Variants in ALOX5 observed in about 807,000 individuals in gnomAD.
ALOX5 encodes the protein arachidonate 5-lipoxygenase, also known as polyunsaturated fatty acid 5-lipoxygenase.
Under a neutral mutation model 87.9 loss-of-function variants are expected in ALOX5, and 64 were observed. The observed-to-expected ratio is 0.73, with a 90% CI of 0.60 to 0.90. The LOEUF (loss-of-function observed/expected upper bound fraction) is 0.90, where lower values mean the gene tolerates loss of function less well. Among genes scored for constraint, ALOX5 ranks in the 40% least tolerant of loss-of-function variants. ALOX5 has a pLI of 0.00. For missense variants in ALOX5, 822 were observed against 907.5 expected, an observed-to-expected ratio of 0.91 and a Z score of 1.21; for synonymous variants, 388 against 355.1, an observed-to-expected ratio of 1.09 and a Z score of -1.04.
chr10:45,440,910 C>T (rs904137478), intron 8 of ALOX5, among the ~76,000 whole-genome samples: 6 of 152,228 alleles, frequency 3.9e-5, no homozygotes, highest in Admixed American at 3.9e-4. Flanking sequence ...TGGTGATCCT[C>T]GGCTGATGCT....
At position 45,428,612 on chromosome 10, in the gene ALOX5, C is replaced by T; in HGVS notation, c.835-6C>T. 2 of 1,614,074 alleles carry T rather than the reference C, an allele frequency of 1.2e-6. No homozygotes were observed. Among genetic ancestry groups the T allele is most frequent in the Non-Finnish European group, 1.7e-6 (2 of 1,179,986 alleles). On this transcript the variant is annotated splice_polypyrimidine_tract_variant and splice_region_variant and intron_variant, in intron 6 of 13. Coordinates refer to ENST00000374391, the MANE Select transcript of ALOX5 (RefSeq NM_000698.5). ...TGATTTGGACACATCTCTCTGCCTC[C>T]TGCAGCAAGGGAACATTTTCATCGT...
Position 45,441,510 on chromosome 10 carries a change from C to G in ALOX5, c.1272+80C>G, listed in dbSNP as rs41519248. On this transcript the variant is annotated intron_variant, in intron 9 of 13. Transcript: ENST00000374391. ...CACTCCCTATCTGAGATCTAGACAC[C>G]CTTTCAGGAGGCCTGGAAGGGTGAA... 4,764 of 1,417,658 alleles carry G rather than the reference C, an allele frequency of 3.4e-3. 109 individuals are homozygous for G. In the East Asian group the frequency reaches 0.042, roughly 13 times the overall value. The allele number at this position is 1,417,658 out of a possible 1,614,324, so 87.8% of individuals were successfully genotyped here.
chr10:45,414,066 G>T (rs1038969314), intron 4 of ALOX5, among the ~76,000 whole-genome samples: 17 of 152,108 alleles, frequency 1.1e-4, no homozygotes, highest in African/African-American at 3.6e-4. Flanking sequence ...ATGACTTTCT[G>T]CACAGAATTG....
At chr10:45,394,378 G>A (rs1202744656) in intron 2 of ALOX5, among the ~76,000 whole-genome samples, 1 of 152,230 alleles carries the variant, frequency 6.6e-6, no homozygotes, top group African/African-American at 2.4e-5. Context: ...TTAATAAATG[G>A]TGCTGGGAAA....
At chr10:45,375,103 C>T (rs2132659115) in intron 1 of ALOX5, among the ~76,000 whole-genome samples, 1 of 152,304 alleles carries the variant, frequency 6.6e-6, no homozygotes, top group Non-Finnish European at 1.5e-5. Flanking sequence ...AGCTTACATT[C>T]TCAGGACAGT....
rs1841656303 is a variant in ALOX5, at chr10:45,425,084, G to A, written c.786G>A (p.Met262Ile). The A allele has an allele frequency of 6.2e-7, 1 of 1,614,060 alleles. No individual in the cohort carries two copies. The highest frequency in any genetic ancestry group is 8.5e-7 in the Non-Finnish European group (1 of 1,180,036). ...LPEKLPVTTEMVECSLERQLS... is the reference protein window; with the variant it reads ...LPEKLPVTTEIVECSLERQLS... Reference sequence around the variant, plus strand: ...AGAAGCTCCCGGTGACCACGGAGATGGTAGAGTGCAGCCTGGAGCGGCAGC... The same window carrying A: ...AGAAGCTCCCGGTGACCACGGAGATAGTAGAGTGCAGCCTGGAGCGGCAGC... The change falls in exon 6 of 14, where the codon ATG becomes ATA. Residue 262 changes from methionine to isoleucine, a missense_variant. Met to Ile is a conservative substitution (Grantham distance 10). Coordinates refer to ENST00000374391, the MANE Select transcript of ALOX5 (RefSeq NM_000698.5). This position sits in a 1 kb window ranked among gnomAD's most constrained non-coding sequence, Gnocchi z 4.4.
At chr10:45,380,668 AC>A (rs1839794563) in intron 1 of ALOX5, among the ~76,000 whole-genome samples, 2 of 152,216 alleles carry the variant, frequency 1.3e-5, no homozygotes, top group South Asian at 4.1e-4. Context: ...GGGGCCAGGC[AC>A]AGTGGCTCAT....
At chr10:45,385,238 C>G (rs1254887887) in intron 2 of ALOX5, among the ~76,000 whole-genome samples, 1 of 152,200 alleles carries the variant, frequency 6.6e-6, no homozygotes, top group African/African-American at 2.4e-5. Context: ...GATTCAATTA[C>G]TCACCATATG....
At chr10:45,445,332 G>A (rs762509767) in intron 13 of ALOX5, among the ~76,000 whole-genome samples, 176 bp from the exon 14 acceptor site, 4 of 152,202 alleles carry the variant, frequency 2.6e-5, no homozygotes, top group Admixed American at 2.6e-4. Context: ...TGGAGGCGAC[G>A]ACACTTGCCT....
intron 4 of ALOX5, among the ~76,000 whole-genome samples, chr10:45,423,430 C>T (rs1841579358): frequency 6.6e-6 from 1 of 152,234 alleles, no homozygotes; most frequent in Non-Finnish European, 1.5e-5. Context: ...CTCTTTTCCA[C>T]CTTTCCTGGA....
At chr10:45,412,611 A>T (rs1227221968) in intron 4 of ALOX5, among the ~76,000 whole-genome samples, 1 of 152,168 alleles carries the variant, frequency 6.6e-6, no homozygotes, top group Non-Finnish European at 1.5e-5. Flanking sequence ...CATGCTCTCT[A>T]TGGCCACTTC....
rs71515351 is a variant in ALOX5 at position 45,409,509 on chromosome 10, GTC to G, written c.432-2658_432-2657del. Among the ~76,000 whole-genome samples the G allele has an allele frequency of 1.9e-3, 249 of 129,718 alleles. 2 individuals carry two copies. The highest frequency in any genetic ancestry group is 3.8e-3 in the Middle Eastern group (1 of 262). The allele number at this position is 129,718 out of a possible 152,430, so 85.1% of individuals were successfully genotyped here. A position where few individuals can be genotyped will look rare whatever the true frequency, so the allele number is the denominator to read the frequency against. On this transcript the variant is annotated intron_variant, in intron 3 of 13. Coordinates refer to ENST00000374391, the MANE Select transcript of ALOX5 (RefSeq NM_000698.5). The stretch of plus-strand genomic sequence containing the variant: ...CCCCTTAGGATCTCTCTGTCTGTCT[GTC>G]TCTCTCTCTCTCTCTCTCTCTCTGT...
intron 2 of ALOX5, among the ~76,000 whole-genome samples, chr10:45,394,425 C>T (rs888577786): frequency 1.3e-5 from 2 of 152,186 alleles, no homozygotes; most frequent in East Asian, 3.8e-4. Context: ...AAGCTGGATC[C>T]CTTCCTTACA....
chr10:45,431,961 A>G (rs910755237), intron 7 of ALOX5, among the ~76,000 whole-genome samples: 1 of 152,060 alleles, frequency 6.6e-6, no homozygotes, highest in Non-Finnish European at 1.5e-5. Flanking sequence ...AGTTCTACCA[A>G]ATTCTATTAT....
rs776007287 is a variant in ALOX5, at chr10:45,440,406, G to C, written c.982-24G>C. ...ACTCTGAAGTGAAATATAGCAGTGT[G>C]TTTCCTTTCCCCCAATGTATCAGCT... On this transcript the variant is annotated intron_variant, in intron 7 of 13. Coordinates refer to ENST00000374391, the MANE Select transcript of ALOX5 (RefSeq NM_000698.5). 4 of 1,609,836 alleles carry C rather than the reference G, an allele frequency of 2.5e-6. No individual in the cohort carries two copies. In the South Asian group the frequency reaches 4.4e-5, roughly 18 times the overall value.
At chr10:45,404,377 TACTC>T (rs986626686) in intron 3 of ALOX5, among the ~76,000 whole-genome samples, 1 of 152,190 alleles carries the variant, frequency 6.6e-6, no homozygotes, top group Non-Finnish European at 1.5e-5. Flanking sequence ...AGGCCCTCCT[TACTC>T]ACTCAGCCAC....
intron 3 of ALOX5, among the ~76,000 whole-genome samples, chr10:45,401,833 C>T (rs186060697): frequency 7.8e-4 from 119 of 152,242 alleles, no homozygotes; most frequent in African/African-American, 2.8e-3. Flanking sequence ...CCTCAAAAAT[C>T]TTTAACCATT....
intron 2 of ALOX5, among the ~76,000 whole-genome samples, chr10:45,391,100 G>T (rs1840225464): frequency 7.1e-5 from 3 of 42,454 alleles, no homozygotes; most frequent in African/African-American, 2.4e-4. Flanking sequence ...TCTCCCCACG[G>T]TCTCCCTCTC....
At chr10:45,422,970 C>T (rs1057234563) in intron 4 of ALOX5, among the ~76,000 whole-genome samples, 3 of 152,140 alleles carry the variant, frequency 2.0e-5, no homozygotes, top group African/African-American at 4.8e-5. Context: ...AATAAGCCCT[C>T]GGTGCCTTCC....
Sources: allele counts gnomAD v4.1 joint callset (sites outside exome capture counted in the v4.1 genomes callset), GRCh38; gene constraint gnomAD v4.1.1; non-coding constraint Gnocchi (gnomAD v3.1); transcripts MANE v1.5; gene names NCBI Gene and HGNC (gene_info 2026-07-23, HGNC 2026-07-21).